APMAP: variants seen among roughly 807,000 people sequenced by gnomAD.
APMAP encodes adipocyte plasma membrane associated protein, also known as adipocyte plasma membrane-associated protein.
Under a neutral mutation model 43.6 loss-of-function variants are expected in APMAP, and 33 were observed. That is an observed-to-expected ratio of 0.76 (90% CI 0.57 to 1.01). APMAP has a LOEUF of 1.01. Ranked by LOEUF, APMAP falls within the 50% of genes least tolerant of loss-of-function variation. APMAP has a pLI of 0.00. For missense variants in APMAP, 498 were observed against 540.7 expected (o/e 0.92, Z 0.78); for synonymous variants, 224 against 216.7 (o/e 1.03, Z -0.30).
intron 1 of APMAP, among the ~76,000 whole-genome samples, chr20:24,984,854 C>T (rs2088134486): frequency 6.6e-6 from 1 of 152,216 alleles, no homozygotes; most frequent in South Asian, 2.1e-4. Flanking sequence ...AGGATCATTA[C>T]TTGCTTACAT....
chr20:24,974,743 G>A (rs990555739), intron 3 of APMAP, among the ~76,000 whole-genome samples: 1 of 152,044 alleles, frequency 6.6e-6, no homozygotes, highest in African/African-American at 2.4e-5. Context: ...AAGTTATCAG[G>A]GATAAAGAGG....
intron 4 of APMAP, among the ~76,000 whole-genome samples, chr20:24,971,904 G>C (rs1004286469): frequency 1.3e-5 from 2 of 151,822 alleles, no homozygotes; most frequent in Non-Finnish European, 2.9e-5. Flanking sequence ...GCTCACTGCA[G>C]GTGCTTATTG....
intron 8 of APMAP, among the ~76,000 whole-genome samples, chr20:24,966,002 T>C (rs1013564760): frequency 5.3e-5 from 8 of 152,172 alleles, no homozygotes; most frequent in African/African-American, 1.7e-4. Context: ...TATGTGAGTA[T>C]GCATCGTGTG....
Position 24,992,611 on chromosome 20 carries a change from CG to C in APMAP, c.77del (p.Pro26ArgfsTer16). 2 of 1,564,384 alleles carry C rather than the reference CG, an allele frequency of 1.3e-6. No individual in the cohort carries two copies. Among genetic ancestry groups the C allele is most frequent in the Non-Finnish European group, 1.7e-6 (2 of 1,155,012 alleles). On this transcript the variant is annotated frameshift_variant, in exon 1 of 9. Transcript: ENST00000217456. LOFTEE classifies it high-confidence loss of function. ...QVVTDDDGQA[P>X]EAKDGSSFSG... ...CGCCCTACCTGCCGTCCTTAGCCTC[CG>C]GGGCCTGGCCATCATCGTCTGTGAC...
intron 6 of APMAP, 67 bp downstream of exon 6, chr20:24,970,130 G>C: frequency 6.4e-7 from 1 of 1,568,072 alleles, no homozygotes; most frequent in South Asian, 1.1e-5. Flanking sequence ...AGAAGTAACA[G>C]GCTCTGCTGA....
At chr20:24,989,405 T>C (rs113768895) in intron 1 of APMAP, among the ~76,000 whole-genome samples, 8,603 of 152,276 alleles carry the variant, frequency 0.056, 337 homozygotes, top group Middle Eastern at 0.11. Context: ...ATTTACACAA[T>C]CTTCTGTAGA....
chr20:24,968,837 A>C (rs1259165598), intron 8 of APMAP, 55 bp downstream of exon 8: 4 of 1,509,878 alleles, frequency 2.6e-6, no homozygotes, highest in South Asian at 1.3e-5. Context: ...GGTCAAAAAA[A>C]TATGATTCAA....
At chr20:24,981,295 G>C (rs1242378793) in intron 2 of APMAP, among the ~76,000 whole-genome samples, 2 of 152,222 alleles carry the variant, frequency 1.3e-5, no homozygotes, top group Non-Finnish European at 2.9e-5. Context: ...TGACAACGTG[G>C]GGAGATGTGA....
At chr20:24,964,158 C>G (rs1439889755) in intron 8 of APMAP, 136 bp from the exon 9 acceptor site, 20 of 922,966 alleles carry the variant, frequency 2.2e-5, no homozygotes, top group Non-Finnish European at 3.2e-5. Flanking sequence ...GGCAGTGCCC[C>G]ACAGGACAGC....
chr20:24,970,512 T>C (rs1301062065), intron 5 of APMAP, 141 bp from the exon 6 acceptor site: 3 of 795,626 alleles, frequency 3.8e-6, no homozygotes, highest in Non-Finnish European at 5.7e-6. Flanking sequence ...TTCCTTCTTA[T>C]AGTAAAAACA....
intron 3 of APMAP, 27 bp downstream of exon 3, chr20:24,978,740 T>TCCCCCCC: frequency 9.9e-7 from 1 of 1,013,584 alleles, no homozygotes; most frequent in Non-Finnish European, 1.4e-6. Flanking sequence ...CCTGGAAGGC[T>TCCCCCCC]CCCCCCCCAC....
chr20:24,969,224 G>T, intron 7 of APMAP, 140 bp from the exon 8 acceptor site: 6 of 981,548 alleles, frequency 6.1e-6, no homozygotes, highest in Non-Finnish European at 4.4e-6. Context: ...AGGCTCAGCT[G>T]CTGAGAAGAA....
chr20:24,987,502 T>C (rs2088157865), intron 1 of APMAP, among the ~76,000 whole-genome samples: 1 of 152,176 alleles, frequency 6.6e-6, no homozygotes, highest in African/African-American at 2.4e-5. Flanking sequence ...GGTAAACACC[T>C]TGCTTTTATG....
intron 1 of APMAP, among the ~76,000 whole-genome samples, chr20:24,990,632 G>A (rs1364429782): frequency 6.6e-6 from 1 of 152,178 alleles, no homozygotes; most frequent in Non-Finnish European, 1.5e-5. Flanking sequence ...TCTGAATTTA[G>A]ATTCCTTTAC....
intron 3 of APMAP, 27 bp downstream of exon 3, chr20:24,978,740 T>TG: frequency 9.9e-7 from 1 of 1,013,586 alleles, no homozygotes; most frequent in Non-Finnish European, 1.4e-6. Flanking sequence ...CCTGGAAGGC[T>TG]CCCCCCCCAC....
chr20:24,986,316 T>C (rs2088146659), intron 1 of APMAP, among the ~76,000 whole-genome samples: 1 of 152,182 alleles, frequency 6.6e-6, no homozygotes, highest in Non-Finnish European at 1.5e-5. Flanking sequence ...ACCCCTTTTA[T>C]TAGGTGGGAA....
chr20:24,988,941 T>A (rs1013051139), intron 1 of APMAP, among the ~76,000 whole-genome samples: 1 of 152,210 alleles, frequency 6.6e-6, no homozygotes, highest in African/African-American at 2.4e-5. Flanking sequence ...GTTAGCTTGT[T>A]ATATAAATGA....
chr20:24,978,830 G>A lies in APMAP; in HGVS notation c.265C>T (p.Arg89Ter), dbSNP rs759889840. 40 of 1,612,200 alleles carry A rather than the reference G, an allele frequency of 2.5e-5. No individual in the cohort carries two copies. The highest frequency in any genetic ancestry group is 2.0e-4 in the South Asian group (18 of 91,060). Reference protein sequence around the residue: ...LGVLHPNTKLRQAERLFENQL... With the variant: ...LGVLHPNTKL ...TTTTCAAACAGCCTTTCTGCCTGTCGCAGCTTCGTATTTGGATGCAGAACA... is the reference window on the plus strand; with the variant it reads ...TTTTCAAACAGCCTTTCTGCCTGTCACAGCTTCGTATTTGGATGCAGAACA... The change falls in exon 3 of 9, where the codon CGA becomes TGA. Residue 89 changes from arginine to a stop codon, truncating the protein, a stop_gained. Transcript: ENST00000217456. LOFTEE classifies it high-confidence loss of function.
chr20:24,969,282 G>A (rs1312045057), intron 7 of APMAP, among the ~76,000 whole-genome samples, 198 bp from the exon 8 acceptor site: 1 of 152,170 alleles, frequency 6.6e-6, no homozygotes, highest in Non-Finnish European at 1.5e-5. Context: ...GTAGGTCAGG[G>A]GAGGACCAAG....
Sources: allele counts gnomAD v4.1 joint callset (sites outside exome capture counted in the v4.1 genomes callset), GRCh38; gene constraint gnomAD v4.1.1; transcripts MANE v1.5; gene names NCBI Gene and HGNC (gene_info 2026-07-23, HGNC 2026-07-21).